The following ATP8B1 variants were observed in gnomAD, a reference collection of about 807,000 sequenced individuals.
The protein encoded by ATP8B1 is phospholipid-transporting ATPase IC.
ATP8B1 carries 80 observed loss-of-function variants against 149.9 expected under a neutral mutation model. That is an observed-to-expected ratio of 0.53 (90% CI 0.45 to 0.64). The LOEUF (loss-of-function observed/expected upper bound fraction) is 0.64, where lower values mean the gene tolerates loss of function less well. Ranked by LOEUF, ATP8B1 falls within the 30% of genes least tolerant of loss-of-function variation. The pLI is 0.00. For synonymous variants in ATP8B1, 536 were observed against 562.8 expected (o/e 0.95, Z 0.67); for missense variants, 1,247 against 1,552.6 (o/e 0.80, Z 3.31).
At chr18:57,685,181 GC>G in intron 13 of ATP8B1, 66 bp from the exon 14 acceptor site, 2 of 1,557,726 alleles carry the variant, frequency 1.3e-6, no homozygotes, top group South Asian at 1.1e-5. Context: ...TCCTTACCTG[GC>G]TTTGCTTATA....
chr18:57,801,765 G>A (rs1343129897), intron 1 of ATP8B1, among the ~76,000 whole-genome samples: 1 of 152,098 alleles, frequency 6.6e-6, no homozygotes, highest in Non-Finnish European at 1.5e-5. Flanking sequence ...AATTTTGAAG[G>A]CAATGCAACC....
At chr18:57,771,787 C>T (rs2080265916) in intron 1 of ATP8B1, among the ~76,000 whole-genome samples, 1 of 152,114 alleles carries the variant, frequency 6.6e-6, no homozygotes. Context: ...AAAGGGCACA[C>T]TTAGCAGTGC....
intron 15 of ATP8B1, 85 bp from the exon 16 acceptor site, chr18:57,675,107 G>C: frequency 6.9e-7 from 1 of 1,442,146 alleles, no homozygotes; most frequent in Non-Finnish European, 9.6e-7. Context: ...AGGCTCCTGT[G>C]GGGGTCAGAT....
intron 1 of ATP8B1, among the ~76,000 whole-genome samples, chr18:57,750,668 A>G (rs962658930): frequency 3.3e-5 from 5 of 152,162 alleles, no homozygotes; most frequent in African/African-American, 1.2e-4. Flanking sequence ...TCAGAGTCCA[A>G]CCTACTCTTT....
chr18:57,758,345 A>G (rs1009504515), intron 1 of ATP8B1, among the ~76,000 whole-genome samples: 1 of 152,106 alleles, frequency 6.6e-6, no homozygotes, highest in African/African-American at 2.4e-5. Context: ...GTGTTTTACA[A>G]AGATAAGAAG....
At position 57,655,271 on chromosome 18, in the gene ATP8B1, G is replaced by A. The variant is rs765889649; in HGVS notation, c.2854C>T (p.Arg952Ter). 7.4e-6 allele frequency: 12 copies of A among 1,614,024 alleles called. No homozygotes were observed. The highest frequency in any genetic ancestry group is 4.5e-5 in the East Asian group (2 of 44,904). The change falls in exon 23 of 28, where the codon CGA becomes TGA. Residue 952 changes from arginine (R) to a stop codon, truncating the protein, a stop_gained. Transcript: ENST00000648908. LOFTEE classifies it high-confidence loss of function. ...WSYIRMCKFLRYFFYKNFAFT... is the reference protein window; with the variant it reads ...WSYIRMCKFL ...GCAAAGTTTTTGTAAAAGAAGTATC[G>A]TAGGAACTTGCACATCCTTATGTAA...
At chr18:57,672,299 A>AT (rs904023910) in intron 16 of ATP8B1, among the ~76,000 whole-genome samples, 28 of 151,952 alleles carry the variant, frequency 1.8e-4, no homozygotes, top group Admixed American at 1.0e-3. Flanking sequence ...CCTAATGACC[A>AT]TTTTTTTTGG....
Position 57,731,844 on chromosome 18 carries a change from A to G in ATP8B1, c.-25-12T>C. On this transcript the variant is annotated splice_polypyrimidine_tract_variant and intron_variant, in intron 1 of 27. Transcript: ENST00000648908. ...ATTGGAACTACCTGCTTAAAAGGAA[A>G]GAGAAACCAGAGTGAATTATGACTC... is the stretch of plus-strand genomic sequence containing the variant. 6.2e-7 allele frequency: 1 copy of G among 1,612,788 alleles called. No individual in the cohort carries two copies. Among genetic ancestry groups the G allele is most frequent in the South Asian group, 1.1e-5 (1 of 91,026 alleles).
chr18:57,754,214 G>A (rs977083812), intron 1 of ATP8B1, among the ~76,000 whole-genome samples: 12 of 152,150 alleles, frequency 7.9e-5, no homozygotes, highest in African/African-American at 2.6e-4. Context: ...GAGGCAGGTG[G>A]ATCATTTGAA....
rs1174444013 is a variant in ATP8B1, at chr18:57,802,774, G to A, written c.-26+224C>T. Among the ~76,000 whole-genome samples the A allele has an allele frequency of 1.3e-5, 2 of 152,168 alleles. No individual in the cohort carries two copies. The highest frequency in any genetic ancestry group is 4.8e-5 in the African/African-American group (2 of 41,450). ...CACGGAACTCTCCGCAGCGCTGCCT[G>A]CCCAGCCGGCCGTGTCTCGCCGTCC... On this transcript the variant is annotated intron_variant, in intron 1 of 27. Coordinates refer to ENST00000648908, the MANE Select transcript of ATP8B1 (RefSeq NM_001374385.1). This position sits in a 1 kb window ranked among gnomAD's most constrained non-coding sequence, Gnocchi z 4.9.
At chr18:57,763,120 G>A (rs1483866557) in intron 1 of ATP8B1, among the ~76,000 whole-genome samples, 7 of 152,110 alleles carry the variant, frequency 4.6e-5, no homozygotes, top group Admixed American at 1.3e-4. Context: ...TAGGCCGGGC[G>A]CGGTGGCTCA....
intron 6 of ATP8B1, among the ~76,000 whole-genome samples, chr18:57,699,068 CAGT>C (rs1340361182): frequency 2.0e-5 from 3 of 152,116 alleles, no homozygotes; most frequent in African/African-American, 7.2e-5. Context: ...ACTCAGGGAT[CAGT>C]AATGAGTTGT....
chr18:57,740,113 G>A (rs1032120162), intron 1 of ATP8B1, among the ~76,000 whole-genome samples: 29 of 152,138 alleles, frequency 1.9e-4, no homozygotes, highest in African/African-American at 6.7e-4. Context: ...GTTTTGAGAT[G>A]GAGTTTTGCT....
chr18:57,783,516 G>C (rs186927691), intron 1 of ATP8B1, among the ~76,000 whole-genome samples: 1 of 152,070 alleles, frequency 6.6e-6, no homozygotes, highest in Admixed American at 6.6e-5. Context: ...CAAGACTCCT[G>C]ATATTCACAA....
chr18:57,792,071 A>G (rs1032911442), intron 1 of ATP8B1, among the ~76,000 whole-genome samples: 1 of 152,316 alleles, frequency 6.6e-6, no homozygotes, highest in African/African-American at 2.4e-5. Context: ...TGGACCATGT[A>G]ATCAATTGTG....
rs4306606 is a variant in ATP8B1 at position 57,667,063 on chromosome 18, G to A, written c.2285+29C>T. The A allele has an allele frequency of 0.25, 384,282 of 1,565,946 alleles. 49,599 individuals carry two copies. Among genetic ancestry groups the A allele is most frequent in the South Asian group, 0.29 (26,240 of 90,118 alleles). ...TGCATTTGCAAAGATGAGCTATTACGTAATTTCATACTGCAGGCTTTTACT... is the reference window on the plus strand; with the variant it reads ...TGCATTTGCAAAGATGAGCTATTACATAATTTCATACTGCAGGCTTTTACT... On this transcript the variant is annotated intron_variant, in intron 20 of 27. Coordinates refer to ENST00000648908, the MANE Select transcript of ATP8B1 (RefSeq NM_001374385.1).
At chr18:57,703,347 A>G (rs1465058031) in intron 4 of ATP8B1, among the ~76,000 whole-genome samples, 1 of 152,106 alleles carries the variant, frequency 6.6e-6, no homozygotes, top group African/African-American at 2.4e-5. Context: ...AGGCGGGTGG[A>G]TCACCTGAAT....
At chr18:57,797,703 CTTTTTTT>C (rs59261353) in intron 1 of ATP8B1, among the ~76,000 whole-genome samples, 4 of 96,286 alleles carry the variant, frequency 4.2e-5, no homozygotes, top group Admixed American at 1.2e-4. Context: ...TTCTTTCTTT[CTTTTTTT>C]TTTTTTTTTT....
At chr18:57,656,821 G>T (rs1910033695) in intron 22 of ATP8B1, among the ~76,000 whole-genome samples, 1 of 149,640 alleles carries the variant, frequency 6.7e-6, no homozygotes, top group Non-Finnish European at 1.5e-5. Context: ...GAGAAGGGAG[G>T]GAGGGGAGAG....
Sources: allele counts gnomAD v4.1 joint callset (sites outside exome capture counted in the v4.1 genomes callset), GRCh38; gene constraint gnomAD v4.1.1; non-coding constraint Gnocchi (gnomAD v3.1); transcripts MANE v1.5; gene names NCBI Gene and HGNC (gene_info 2026-07-23, HGNC 2026-07-21).